Variants in PXDN observed in about 807,000 individuals in gnomAD.
The protein encoded by PXDN is peroxidasin homolog.
Under a neutral mutation model 140.3 loss-of-function variants are expected in PXDN, and 77 were observed. The ratio of observed to expected loss-of-function variants is 0.55; its 90% CI spans 0.46 to 0.66. The LOEUF (loss-of-function observed/expected upper bound fraction) is 0.66. Among genes scored for constraint, PXDN ranks in the 30% least tolerant of loss-of-function variants. PXDN has a pLI of 0.00. For synonymous variants in PXDN, 911 were observed against 857.4 expected (o/e 1.06, Z -1.09); for missense variants, 1,838 against 2,039.5 (o/e 0.90, Z 1.90).
chr2:1,675,389 C>T (rs2125435811), intron 8 of PXDN, among the ~76,000 whole-genome samples: 1 of 152,308 alleles, frequency 6.6e-6, no homozygotes, highest in East Asian at 1.9e-4. Flanking sequence ...GTGTGATGGA[C>T]TGGGGCCAAA....
At position 1,660,771 on chromosome 2, in the gene PXDN, T is replaced by G; in HGVS notation, c.1837+110A>C. On this transcript the variant is annotated intron_variant, in intron 14 of 22. Transcript: ENST00000252804. This position sits in a 1 kb window ranked among gnomAD's most constrained non-coding sequence, Gnocchi z 4.6. The stretch of plus-strand genomic sequence containing the variant: ...ACCTGGGAATCAAGGGTGCTTTGTC[T>G]TCTGAATAATTCTGAACAGCCTAAG... 1.5e-6 allele frequency: 2 copies of G among 1,373,446 alleles called. No homozygotes were observed. The highest frequency in any genetic ancestry group is 4.7e-5 in the East Asian group (2 of 42,438). The allele number at this position is 1,373,446 out of a possible 1,614,324, so 85.1% of individuals were successfully genotyped here. A position where few individuals can be genotyped will look rare whatever the true frequency, so the allele number is the denominator to read the frequency against.
chr2:1,732,133 G>A (rs1461492164), intron 1 of PXDN, among the ~76,000 whole-genome samples: 1 of 152,096 alleles, frequency 6.6e-6, no homozygotes, highest in Non-Finnish European at 1.5e-5. Context: ...CAAGTTACTG[G>A]GCATCAGCCA....
Position 1,635,187 on chromosome 2 carries a change from GT to G in PXDN, c.4320+220del, listed in dbSNP as rs11327409. ...GTAGGGGCTGCCCGCCCTCTGTGGGGTTGGACCATGCTGAGGTTCTGGGCCT... is the reference window on the plus strand; with the variant it reads ...GTAGGGGCTGCCCGCCCTCTGTGGGGTGGACCATGCTGAGGTTCTGGGCCT... On this transcript the variant is annotated intron_variant, in intron 22 of 22. Transcript: ENST00000252804. Among the ~76,000 whole-genome samples the G allele has an allele frequency of 0.25, 38,661 of 152,096 alleles. 5,199 individuals carry two copies. Among genetic ancestry groups the G allele is most frequent in the East Asian group, 0.4 (2,043 of 5,134 alleles).
intron 22 of PXDN, 90 bp from the exon 23 acceptor site, chr2:1,634,413 C>G: frequency 6.8e-7 from 1 of 1,462,616 alleles, no homozygotes; most frequent in Non-Finnish European, 9.2e-7. Flanking sequence ...GTGTCAGCCA[C>G]GGCCATGAGT....
Position 1,742,202 on chromosome 2 carries a change from T to C in PXDN, c.200+2054A>G, listed in dbSNP as rs184106865. ...CTGCGCTTCTCTCCCAGAGCTTCTG[T>C]TTCCACCGCCAGAAAATGGGTATGT... On this transcript the variant is annotated intron_variant, in intron 1 of 22. Coordinates refer to ENST00000252804, the MANE Select transcript of PXDN (RefSeq NM_012293.3). Among the ~76,000 whole-genome samples, 26 of 152,348 alleles carry C rather than the reference T, an allele frequency of 1.7e-4. No homozygotes were observed. The East Asian group carries it at 4.6e-3, about 27-fold the overall frequency.
intron 1 of PXDN, among the ~76,000 whole-genome samples, chr2:1,729,523 T>C (rs1484776850): frequency 6.7e-6 from 1 of 150,234 alleles, no homozygotes; most frequent in African/African-American, 2.5e-5. Context: ...CCACCATCCC[T>C]GGTGCAGATC....
chr2:1,735,618 C>T (rs569108829), intron 1 of PXDN, among the ~76,000 whole-genome samples: 1 of 152,244 alleles, frequency 6.6e-6, no homozygotes, highest in Admixed American at 6.5e-5. Flanking sequence ...TTCAGAGAAC[C>T]ATGCGGCAAA....
At chr2:1,720,207 C>T (rs1451326475) in intron 1 of PXDN, among the ~76,000 whole-genome samples, 1 of 8,092 alleles carries the variant, frequency 1.2e-4, no homozygotes. Flanking sequence ...GGGAGGGATG[C>T]AGAGAGAGGG....
At chr2:1,733,766 A>AAAAAAAAAAAC (rs1685365138) in intron 1 of PXDN, among the ~76,000 whole-genome samples, 2 of 151,412 alleles carry the variant, frequency 1.3e-5, no homozygotes, top group East Asian at 1.9e-4. Flanking sequence ...AAAAAAAAAA[A>AAAAAAAAAAAC]AGCAGTGTCA....
chr2:1,683,212 T>C (rs113257065), intron 6 of PXDN, among the ~76,000 whole-genome samples: 3,269 of 144,984 alleles, frequency 0.023, 119 homozygotes, highest in African/African-American at 0.08. Context: ...CAAAACCCTG[T>C]CACAAAAAAA....
intron 1 of PXDN, among the ~76,000 whole-genome samples, chr2:1,712,110 A>G (rs12471018): frequency 0.23 from 35,486 of 152,146 alleles, 4,172 homozygotes; most frequent in East Asian, 0.31. Context: ...TCCAATTAAT[A>G]TAGACTCAGA....
Position 1,695,701 on chromosome 2 carries a change from C to T in PXDN, c.201-2567G>A, listed in dbSNP as rs531540377. On this transcript the variant is annotated intron_variant, in intron 1 of 22. Coordinates refer to ENST00000252804, the MANE Select transcript of PXDN (RefSeq NM_012293.3). ...GCCTAGAGTGATGGACAGAGAGGTG[C>T]TGTCCCATCCACAGGCCCCTGTGCC... Among the ~76,000 whole-genome samples, 3 of 55,016 alleles carry T rather than the reference C, an allele frequency of 5.5e-5. No individual in the cohort carries two copies. In the East Asian group the frequency reaches 1.8e-3, roughly 34 times the overall value. The allele number at this position is 55,016 out of a possible 152,430, so 36.1% of individuals were successfully genotyped here.
chr2:1,675,746 C>A (rs1683688538), intron 8 of PXDN, among the ~76,000 whole-genome samples: 1 of 152,086 alleles, frequency 6.6e-6, no homozygotes, highest in South Asian at 2.1e-4. Context: ...GCCCGGTTTG[C>A]CTCTGGAGTC....
At chr2:1,705,906 G>A (rs1040850434) in intron 1 of PXDN, among the ~76,000 whole-genome samples, 14 of 152,120 alleles carry the variant, frequency 9.2e-5, no homozygotes, top group African/African-American at 2.9e-4. Flanking sequence ...AGTTTCCCGC[G>A]TGGAGTGTGG....
At chr2:1,679,806 GGTGT>G (rs528478301) in intron 7 of PXDN, among the ~76,000 whole-genome samples, 45 of 138,574 alleles carry the variant, frequency 3.2e-4, no homozygotes, top group African/African-American at 7.5e-4. Flanking sequence ...GTGTGTAAAT[GGTGT>G]GTGTGTAAAT....
chr2:1,713,792 A>G (rs549571210), intron 1 of PXDN, among the ~76,000 whole-genome samples: 83 of 152,362 alleles, frequency 5.4e-4, no homozygotes, highest in African/African-American at 1.9e-3. Context: ...AGGCAACCCA[A>G]TGCAGCCTGC....
rs147997118 is a variant in PXDN, at chr2:1,719,642, A to T, written c.200+24614T>A. ...ACATTTTCAAGTTCAAGTTCTCAGG[A>T]GACAGCACTGGCTGGGCTAAGCCTG... On this transcript the variant is annotated intron_variant, in intron 1 of 22. Coordinates refer to ENST00000252804, the MANE Select transcript of PXDN (RefSeq NM_012293.3). Among the ~76,000 whole-genome samples the T allele has an allele frequency of 7.9e-4, 121 of 152,290 alleles. 1 individual carries two copies. Among genetic ancestry groups the T allele is most frequent in the African/African-American group, 2.8e-3 (118 of 41,576 alleles).
chr2:1,728,759 G>A (rs891157015), intron 1 of PXDN, among the ~76,000 whole-genome samples: 2 of 152,190 alleles, frequency 1.3e-5, no homozygotes, highest in South Asian at 2.1e-4. Flanking sequence ...AGTGTTCCCG[G>A]CCACAGCTCG....
intron 5 of PXDN, 23 bp downstream of exon 5, chr2:1,684,057 G>A: frequency 3.8e-6 from 6 of 1,560,690 alleles, no homozygotes; most frequent in Non-Finnish European, 5.2e-6. Context: ...GAATGGAAAG[G>A]CAAGGAACAA....
Sources: gnomAD v4.1 joint callset for allele counts (sites outside exome capture counted in the v4.1 genomes callset) on GRCh38, gnomAD v4.1.1 for gene constraint, Gnocchi (gnomAD v3.1) non-coding constraint, MANE v1.5 for transcripts, NCBI Gene and HGNC (gene_info 2026-07-23, HGNC 2026-07-21) for gene names.